FGF10: variants seen among roughly 807,000 people sequenced by gnomAD.
FGF10 encodes FGF-10.
Under a neutral mutation model 19.8 loss-of-function variants are expected in FGF10, and 2 were observed. The ratio of observed to expected loss-of-function variants is 0.10; its 90% CI spans 0.04 to 0.32. The LOEUF (loss-of-function observed/expected upper bound fraction) is 0.32, where lower values mean the gene tolerates loss of function less well. Among genes scored for constraint, FGF10 ranks in the 10% least tolerant of loss-of-function variants. The probability of loss-of-function intolerance (pLI) is 1.00; values close to 1 mark genes in which losing one functional copy is unlikely to be tolerated. For missense variants in FGF10, 191 were observed against 246.3 expected, an observed-to-expected ratio of 0.78 and a Z score of 1.50; for synonymous variants, 112 against 94.0, an observed-to-expected ratio of 1.19 and a Z score of -1.10.
intron 1 of FGF10, among the ~76,000 whole-genome samples, chr5:44,327,314 TAA>T (rs962131170): frequency 6.6e-6 from 1 of 152,172 alleles, no homozygotes; most frequent in Non-Finnish European, 1.5e-5. Flanking sequence ...AGAGAACTAA[TAA>T]AAGAGTCCCA....
At chr5:44,388,247 A>G in intron 1 of FGF10, 111 bp downstream of exon 1, 1 of 970,864 alleles carries the variant, frequency 1.0e-6, no homozygotes, top group Non-Finnish European at 1.7e-6. Flanking sequence ...ATCATTTTAC[A>G]GGGGTTGGGG....
At chr5:44,379,622 C>G (rs1477119663) in intron 1 of FGF10, among the ~76,000 whole-genome samples, 4 of 152,224 alleles carry the variant, frequency 2.6e-5, no homozygotes, top group Non-Finnish European at 4.4e-5. Flanking sequence ...ACTTTGATAG[C>G]CTGGCTGCGA....
chr5:44,359,856 C>A (rs1239793947), intron 1 of FGF10, among the ~76,000 whole-genome samples: 1 of 151,420 alleles, frequency 6.6e-6, no homozygotes, highest in African/African-American at 2.4e-5. Context: ...ACCCCCTAAC[C>A]CTTCCAAGTC....
chr5:44,305,229 G>A (rs200995359), intron 2 of FGF10, 37 bp from the exon 3 acceptor site: 64 of 1,574,958 alleles, frequency 4.1e-5, no homozygotes, highest in Non-Finnish European at 5.5e-5. Context: ...TTCCTATGGT[G>A]ATTGTACTTG....
rs202120415 is a variant in FGF10, at chr5:44,360,016, TAA to T, written c.325+28340_325+28341del. Among the ~76,000 whole-genome samples, 814 of 151,606 alleles carry T rather than the reference TAA, an allele frequency of 5.4e-3. 5 individuals are homozygous for T. The highest frequency in any genetic ancestry group is 0.014 in the Middle Eastern group (4 of 292). On this transcript the variant is annotated intron_variant, in intron 1 of 2. Coordinates refer to ENST00000264664, the MANE Select transcript of FGF10 (RefSeq NM_004465.2). ...AATACCTATATCCTTTTAAGAACCC[TAA>T]GAGTTGCCCTTCAAATCATCCCCAT...
At chr5:44,373,730 T>A (rs1741795381) in intron 1 of FGF10, among the ~76,000 whole-genome samples, 1 of 152,142 alleles carries the variant, frequency 6.6e-6, no homozygotes, top group Non-Finnish European at 1.5e-5. Flanking sequence ...CTAAATGAGG[T>A]AGGCATTCTC....
intron 1 of FGF10, among the ~76,000 whole-genome samples, chr5:44,341,233 C>T (rs1740962078): frequency 6.6e-6 from 1 of 151,742 alleles, no homozygotes; most frequent in Non-Finnish European, 1.5e-5. Context: ...AGATATTATG[C>T]AGATTCATTG....
chr5:44,379,946 A>G (rs1439263797), intron 1 of FGF10, among the ~76,000 whole-genome samples: 3 of 152,106 alleles, frequency 2.0e-5, no homozygotes, highest in African/African-American at 7.2e-5. Context: ...TGCTTCCTGG[A>G]CGTCAGCATA....
At chr5:44,369,911 C>G (rs1039248546) in intron 1 of FGF10, among the ~76,000 whole-genome samples, 1 of 152,012 alleles carries the variant, frequency 6.6e-6, no homozygotes, top group East Asian at 1.9e-4. Flanking sequence ...CTCAAAAGAC[C>G]TTTGTCCTTT....
intron 1 of FGF10, among the ~76,000 whole-genome samples, chr5:44,364,751 G>A (rs1741567571): frequency 6.6e-6 from 1 of 151,908 alleles, no homozygotes; most frequent in Non-Finnish European, 1.5e-5. Context: ...CATCATACAT[G>A]TAAAATGATC....
intron 1 of FGF10, among the ~76,000 whole-genome samples, chr5:44,311,694 A>G (rs1338532219): frequency 1.3e-5 from 2 of 152,150 alleles, no homozygotes; most frequent in Non-Finnish European, 2.9e-5. Flanking sequence ...CAACAGTGCT[A>G]GATTTTGGAA....
chr5:44,317,682 T>C (rs1459051680), intron 1 of FGF10, among the ~76,000 whole-genome samples: 1 of 152,182 alleles, frequency 6.6e-6, no homozygotes, highest in African/African-American at 2.4e-5. Flanking sequence ...AATAGGTTTC[T>C]TCACAACACT....
Position 44,379,314 on chromosome 5 carries a change from A to G in FGF10, c.325+9044T>C, listed in dbSNP as rs530822818. Among the ~76,000 whole-genome samples the G allele has an allele frequency of 1.1e-3, 168 of 152,372 alleles. 1 individual carries two copies. The highest frequency in any genetic ancestry group is 4.0e-3 in the African/African-American group (165 of 41,596). ...CAATGCATTTATTCGTGCCTCACAC[A>G]CTATCTGACACAAAGCAAGCACTCA... On this transcript the variant is annotated intron_variant, in intron 1 of 2. Coordinates refer to ENST00000264664, the MANE Select transcript of FGF10 (RefSeq NM_004465.2).
chr5:44,364,981 G>A (rs1741572402), intron 1 of FGF10, among the ~76,000 whole-genome samples: 2 of 151,792 alleles, frequency 1.3e-5, no homozygotes, highest in South Asian at 2.1e-4. Context: ...AGAGATATGA[G>A]TTAAAAAATA....
At chr5:44,320,519 A>G (rs1740460906) in intron 1 of FGF10, among the ~76,000 whole-genome samples, 2 of 152,146 alleles carry the variant, frequency 1.3e-5, no homozygotes, top group Admixed American at 6.5e-5. Flanking sequence ...CAGCATTTAA[A>G]AGAAAATAAC....
chr5:44,359,093 G>T lies in FGF10; in HGVS notation c.325+29265C>A, dbSNP rs576511345. ...TGTGCAGTGTTATACCCCAATGAGAGCCTCCTAACAAGATCTGAAGTCAGC... is the reference window on the plus strand; with the variant it reads ...TGTGCAGTGTTATACCCCAATGAGATCCTCCTAACAAGATCTGAAGTCAGC... On this transcript the variant is annotated intron_variant, in intron 1 of 2. Transcript: ENST00000264664. Among the ~76,000 whole-genome samples, 5 of 151,508 alleles carry T rather than the reference G, an allele frequency of 3.3e-5. No homozygotes were observed. In the East Asian group the frequency reaches 7.8e-4, roughly 24 times the overall value.
Position 44,302,590 on chromosome 5 carries a change from A to G in FGF10, c.*2405T>C, listed in dbSNP as rs1204174051. 2.6e-5 allele frequency among the ~76,000 whole-genome samples: 4 copies of G among 151,594 alleles called. No individual in the cohort carries two copies. Among genetic ancestry groups the G allele is most frequent in the African/African-American group, 9.7e-5 (4 of 41,232 alleles). The stretch of plus-strand genomic sequence containing the variant: ...ACTAGGTTTCTCAGGCCTGTCTAGA[A>G]CTCCTGGACTCAAGCCATCTTCCCA... On this transcript the variant is annotated 3_prime_UTR_variant, in exon 3 of 3. Transcript: ENST00000264664.
At chr5:44,333,264 A>G (rs527300983) in intron 1 of FGF10, among the ~76,000 whole-genome samples, 1 of 152,290 alleles carries the variant, frequency 6.6e-6, no homozygotes, top group South Asian at 2.1e-4. Context: ...CTGAGTATAT[A>G]TAGCTAGATG....
intron 1 of FGF10, among the ~76,000 whole-genome samples, chr5:44,350,968 C>T (rs1260970524): frequency 1.3e-5 from 2 of 151,190 alleles, no homozygotes; most frequent in African/African-American, 4.8e-5. Context: ...TTTCACATGG[C>T]TAAGAATTTT....
Sources: gnomAD v4.1 joint callset for allele counts (sites outside exome capture counted in the v4.1 genomes callset) on GRCh38, gnomAD v4.1.1 for gene constraint, MANE v1.5 for transcripts, NCBI Gene and HGNC (gene_info 2026-07-23, HGNC 2026-07-21) for gene names.